The following ASIC2 variants were observed in gnomAD, a reference collection of about 807,000 sequenced individuals.
ASIC2 encodes acid sensing ion channel subunit 2, also known as acid-sensing ion channel 2.
ASIC2 carries 25 observed loss-of-function variants against 57.3 expected under a neutral mutation model. The ratio of observed to expected loss-of-function variants is 0.44; its 90% CI spans 0.32 to 0.61. The LOEUF is 0.61. ASIC2 is among the 20% of genes least tolerant of loss of function. ASIC2 has a pLI of 0.06. For synonymous variants in ASIC2, 319 were observed against 307.5 expected (o/e 1.04, Z -0.39); for missense variants, 641 against 738.1 (o/e 0.87, Z 1.52).
rs1280754839 is a variant in ASIC2 at position 33,013,193 on chromosome 17, T to TA, written c.*771dup. The TA allele has an allele frequency of 1.3e-5, 2 of 151,926 alleles. No homozygotes were observed. The highest frequency in any genetic ancestry group is 6.6e-5 in the Admixed American group (1 of 15,264). 9.4% of individuals were successfully genotyped at this position (151,926 alleles called of 1,614,324 possible). ...AAACCTCAGAACATCAAAACTAAAA[T>TA]AAAAAAGCATAAAATGAAGCAAAAC... is the stretch of plus-strand genomic sequence containing the variant. On this transcript the variant is annotated 3_prime_UTR_variant, in exon 10 of 10. Transcript: ENST00000225823.
intron 1 of ASIC2, among the ~76,000 whole-genome samples, chr17:33,946,554 G>A (rs1023095224): frequency 6.6e-6 from 1 of 152,192 alleles, no homozygotes; most frequent in Non-Finnish European, 1.5e-5. Flanking sequence ...CAGGCACAGT[G>A]CTCAATGCTG....
At chr17:34,052,584 C>T (rs534267930) in intron 1 of ASIC2, among the ~76,000 whole-genome samples, 107 of 152,012 alleles carry the variant, frequency 7.0e-4, no homozygotes, top group African/African-American at 2.6e-3. Flanking sequence ...CTGTCTTCCT[C>T]ATCCCTAGTA....
At chr17:34,074,015 G>C (rs2189333) in intron 1 of ASIC2, among the ~76,000 whole-genome samples, 136,904 of 152,212 alleles carry the variant, frequency 0.9, 61,899 homozygotes, top group African/African-American at 0.98. Flanking sequence ...TCTCTCCCCA[G>C]AAACCTCATC....
Position 33,569,827 on chromosome 17 carries a change from T to C in ASIC2, c.556-457760A>G, listed in dbSNP as rs1916371684. Among the ~76,000 whole-genome samples, 5 of 152,242 alleles carry C rather than the reference T, an allele frequency of 3.3e-5. No individual in the cohort carries two copies. The South Asian group carries it at 1.0e-3, about 31-fold the overall frequency. ...CACATAGTTCCTTGCTCAAAAACCC[T>C]GACTGGCTGTCATGTGTCGCATGTT... On this transcript the variant is annotated intron_variant, in intron 1 of 9. Coordinates refer to the ASIC2 transcript ENST00000359872.
chr17:33,719,252 G>A (rs1909313260), intron 1 of ASIC2, among the ~76,000 whole-genome samples: 1 of 152,194 alleles, frequency 6.6e-6, no homozygotes, highest in South Asian at 2.1e-4. Flanking sequence ...CTTGCGCATG[G>A]AGGAGAGCAT....
upstream of ASIC2, among the ~76,000 whole-genome samples, chr17:33,297,867 T>TAATA (rs1555594945): frequency 7.2e-6 from 1 of 138,028 alleles, no homozygotes; most frequent in Non-Finnish European, 1.5e-5. Context: ...AATAAATAAA[T>TAATA]AATAAAGTTT....
intron 1 of ASIC2, among the ~76,000 whole-genome samples, chr17:33,349,637 T>C (rs565374815): frequency 1.6e-3 from 243 of 152,336 alleles, no homozygotes; most frequent in African/African-American, 5.6e-3. Flanking sequence ...GCAGAGTGCC[T>C]GGAAGCTTCA....
chr17:33,050,631 A>C (rs1396962673), intron 3 of ASIC2, among the ~76,000 whole-genome samples: 1 of 152,218 alleles, frequency 6.6e-6, no homozygotes, highest in African/African-American at 2.4e-5. Flanking sequence ...GAAGTGAAAC[A>C]TCCCCTGCAA....
At chr17:34,091,815 G>C (rs1038028771) in intron 1 of ASIC2, among the ~76,000 whole-genome samples, 5 of 152,288 alleles carry the variant, frequency 3.3e-5, no homozygotes, top group East Asian at 1.9e-4. Flanking sequence ...GTATGTACAG[G>C]CTTTGGAATC....
intron 1 of ASIC2, among the ~76,000 whole-genome samples, chr17:33,171,792 T>C (rs1268550019): frequency 1.3e-5 from 2 of 152,260 alleles, no homozygotes; most frequent in Non-Finnish European, 2.9e-5. Context: ...CATCTCACTC[T>C]GGGCTCTATT....
chr17:33,521,906 C>A (rs1914752733), intron 1 of ASIC2, among the ~76,000 whole-genome samples: 1 of 152,210 alleles, frequency 6.6e-6, no homozygotes, highest in South Asian at 2.1e-4. Context: ...GGCCCCTTCC[C>A]CCATCACCTG....
chr17:33,083,140 T>A (rs767887285), intron 3 of ASIC2, among the ~76,000 whole-genome samples: 1 of 152,170 alleles, frequency 6.6e-6, no homozygotes, highest in East Asian at 1.9e-4. Flanking sequence ...GAGTATAACA[T>A]TGGATTGATT....
rs1050168732 is a variant in ASIC2 at position 33,091,200 on chromosome 17, G to A, written c.860-2210C>T. On this transcript the variant is annotated intron_variant, in intron 2 of 9. Coordinates refer to ENST00000225823, the MANE Select transcript of ASIC2 (RefSeq NM_183377.2). ...TGGGAGGAGGACTTCAGGAAAGGGA[G>A]GACTGGATGGAATGAGGGGGTTGAA... 7.9e-5 allele frequency among the ~76,000 whole-genome samples: 12 copies of A among 152,350 alleles called. No homozygotes were observed. In the East Asian group the frequency reaches 2.3e-3, roughly 29 times the overall value.
At chr17:33,124,482 GC>G (rs1328513937) in intron 1 of ASIC2, among the ~76,000 whole-genome samples, 1 of 152,202 alleles carries the variant, frequency 6.6e-6, no homozygotes, top group African/African-American at 2.4e-5. Context: ...AATTTTGGCT[GC>G]CACTATGGGT....
At chr17:33,475,329 C>T (rs1275581317) in intron 1 of ASIC2, among the ~76,000 whole-genome samples, 2 of 151,856 alleles carry the variant, frequency 1.3e-5, no homozygotes, top group Admixed American at 1.3e-4. Flanking sequence ...ATTGCAGATA[C>T]AATGGAATCG....
chr17:33,285,105 C>T (rs570366242), intron 1 of ASIC2, among the ~76,000 whole-genome samples: 6 of 152,270 alleles, frequency 3.9e-5, no homozygotes, highest in African/African-American at 9.6e-5. Context: ...TGAAGGCAAC[C>T]GACCCGCGAA....
chr17:33,161,833 A>G (rs28671524), intron 1 of ASIC2, among the ~76,000 whole-genome samples: 2,374 of 149,712 alleles, frequency 0.016, 68 homozygotes, highest in African/African-American at 0.056. Context: ...CTCAGTGAAT[A>G]AGTAATAAAG....
At chr17:33,331,968 G>C (rs1330285025) in intron 1 of ASIC2, among the ~76,000 whole-genome samples, 4 of 152,164 alleles carry the variant, frequency 2.6e-5, no homozygotes, top group African/African-American at 9.7e-5. Context: ...CCCTTCCCTG[G>C]ACCAACTGAA....
chr17:33,196,652 T>C (rs1906640658), intron 1 of ASIC2, among the ~76,000 whole-genome samples: 1 of 152,220 alleles, frequency 6.6e-6, no homozygotes, highest in Non-Finnish European at 1.5e-5. Context: ...GAAACACTGT[T>C]GGTGGTGGCA....
Sources: allele counts gnomAD v4.1 joint callset (sites outside exome capture counted in the v4.1 genomes callset), GRCh38; gene constraint gnomAD v4.1.1; transcripts MANE v1.5; gene names NCBI Gene and HGNC (gene_info 2026-07-23, HGNC 2026-07-21).